The following BPTF variants were observed in gnomAD, a reference collection of about 807,000 sequenced individuals.
BPTF encodes bromodomain PHD finger transcription factor.
Under a neutral mutation model 292.5 loss-of-function variants are expected in BPTF, and 18 were observed. The ratio of observed to expected loss-of-function variants is 0.06; its 90% CI spans 0.04 to 0.09. BPTF has a LOEUF of 0.09. BPTF is among the 10% of genes least tolerant of loss of function. The pLI is 1.00. For synonymous variants in BPTF, 1,225 were observed against 1,251.9 expected (o/e 0.98, Z 0.45); for missense variants, 2,726 against 3,498.7 (o/e 0.78, Z 5.57).
chr17:67,948,844 C>T (rs1306777986), intron 23 of BPTF, among the ~76,000 whole-genome samples: 1 of 152,102 alleles, frequency 6.6e-6, no homozygotes, highest in Non-Finnish European at 1.5e-5. Flanking sequence ...AAAAGTTAGC[C>T]AGATGTGGTG....
intron 11 of BPTF, among the ~76,000 whole-genome samples, chr17:67,917,894 C>T (rs913918802): frequency 2.2e-4 from 34 of 152,188 alleles, no homozygotes; most frequent in African/African-American, 8.2e-4. Flanking sequence ...TCACTGAAAG[C>T]TACACCTCCC....
chr17:67,881,852 GTTTTTGTTTTTTT>G (rs1178563525), intron 4 of BPTF, among the ~76,000 whole-genome samples: 9,091 of 38,258 alleles, frequency 0.24, 1,272 homozygotes, highest in African/African-American at 0.38. Flanking sequence ...GGGATTTTGG[GTTTTTGTTTTTTT>G]TTTTTTTTTT....
At chr17:67,917,014 G>T in intron 11 of BPTF, among the ~76,000 whole-genome samples, 1 of 151,344 alleles carries the variant, frequency 6.6e-6, no homozygotes. Context: ...TTTGAAATAC[G>T]TTTTTAGTAT....
In BPTF at chr17:67,929,940, A is replaced by G. The variant is rs376568579; in HGVS notation, c.6150+453A>G. Among the ~76,000 whole-genome samples the G allele has an allele frequency of 8.0e-5, 12 of 150,694 alleles. No homozygotes were observed. The East Asian group carries it at 2.3e-3, about 29-fold the overall frequency. On this transcript the variant is annotated intron_variant, in intron 17 of 27. Coordinates refer to ENST00000306378, the MANE Select transcript of BPTF (RefSeq NM_182641.4). ...GGGCCAGCCTGGGCAACATGGCAAAACCCCATCTCTACAAAAAATACAGAA... is the reference window on the plus strand; with the variant it reads ...GGGCCAGCCTGGGCAACATGGCAAAGCCCCATCTCTACAAAAAATACAGAA...
chr17:67,895,689 T>C (rs1009798982), intron 7 of BPTF, among the ~76,000 whole-genome samples: 1 of 152,102 alleles, frequency 6.6e-6, no homozygotes, highest in Non-Finnish European at 1.5e-5. Context: ...TCTTGAACTC[T>C]GGGCTCAAGC....
chr17:67,946,454 CACTGAATTG>C (rs1368771437), intron 21 of BPTF, 129 bp downstream of exon 21: 1 of 1,393,428 alleles, frequency 7.2e-7, no homozygotes, highest in East Asian at 2.5e-5. Context: ...TTAGAAGAAA[CACTGAATTG>C]ACCAAAAAAA....
intron 1 of BPTF, 61 bp downstream of exon 1, chr17:67,826,398 C>A: frequency 6.7e-7 from 1 of 1,497,742 alleles, no homozygotes; most frequent in Non-Finnish European, 9.0e-7. Context: ...TCCCCCCTTG[C>A]TCACTCGTGT....
chr17:67,945,356 CCA>C (rs2065726188), intron 20 of BPTF, 51 bp from the exon 21 acceptor site: 1 of 1,548,008 alleles, frequency 6.5e-7, no homozygotes, highest in East Asian at 2.3e-5. Flanking sequence ...TCTTCTTTAA[CCA>C]CAGTTTTATG....
intron 27 of BPTF, among the ~76,000 whole-genome samples, chr17:67,977,530 AGT>A (rs1214629965): frequency 6.7e-6 from 1 of 150,174 alleles, no homozygotes; most frequent in Non-Finnish European, 1.5e-5. Flanking sequence ...AAAAAAAAAA[AGT>A]GTGCTGTCAA....
chr17:67,890,050 G>T (rs1021354357), intron 4 of BPTF, among the ~76,000 whole-genome samples: 11 of 152,132 alleles, frequency 7.2e-5, no homozygotes, highest in Non-Finnish European at 2.9e-5. Context: ...AAAAATCGGG[G>T]CTGGAAATTT....
intron 1 of BPTF, among the ~76,000 whole-genome samples, chr17:67,852,433 A>G (rs1350770226): frequency 6.6e-6 from 1 of 150,382 alleles, no homozygotes; most frequent in Non-Finnish European, 1.5e-5. Flanking sequence ...TTAGATATAT[A>G]TATACCTTAT....
chr17:67,959,662 C>G lies in BPTF; in HGVS notation c.8048C>G (p.Pro2683Arg). ...CCAGCTCCTCCAGCCCCTCCAGCCC[C>G]TCCACCTTCACCTCCCCCTCCACCT... The part of the protein sequence containing the change: ...VTPAPPAPPA[P>R]PPSPPPPPAV... Residue 2683 changes from proline to arginine, a missense_variant, in exon 24 of 28, where the codon CCT becomes CGT. Physicochemically the swap from Pro to Arg is moderately radical, Grantham distance 103 (BLOSUM62 -2). This residue lies in a region of BPTF where 148 missense variants were observed against 145.5 expected (regional missense o/e 1.02). Coordinates refer to ENST00000306378, the MANE Select transcript of BPTF (RefSeq NM_182641.4). The G allele has an allele frequency of 6.2e-7, 1 of 1,612,848 alleles. No homozygotes were observed. The highest frequency in any genetic ancestry group is 8.5e-7 in the Non-Finnish European group (1 of 1,179,402).
Position 67,918,828 on chromosome 17 carries a change from T to G in BPTF, c.5418T>G (p.Thr1806=). 6.2e-7 allele frequency: 1 copy of G among 1,613,330 alleles called. No individual in the cohort carries two copies. The highest frequency in any genetic ancestry group is 8.5e-7 in the Non-Finnish European group (1 of 1,179,456). ...CCAAGGCTCCTCCAGGAGGAGGGAC[T>G]ACACGGACAGGTAAGGGGGAAGGGA... is the stretch of plus-strand genomic sequence containing the variant. ...MAAKAPPGGG[T]TRTETSETEI... The change falls in exon 12 of 28, where the codon ACT becomes ACG. Residue 1806 remains threonine (T), a synonymous_variant. Transcript: ENST00000306378.
chr17:67,828,701 T>C (rs2056354991), intron 1 of BPTF, among the ~76,000 whole-genome samples: 1 of 152,184 alleles, frequency 6.6e-6, no homozygotes, highest in East Asian at 1.9e-4. Context: ...GCTAATTTTG[T>C]ATTTTTAGTA....
At chr17:67,944,725 C>T (rs1555673595) in intron 20 of BPTF, 1 of 302,608 alleles carries the variant, frequency 3.3e-6, no homozygotes, top group African/African-American at 2.2e-5. Flanking sequence ...AGTTCATGAC[C>T]TCAGATTGAG....
intron 9 of BPTF, among the ~76,000 whole-genome samples, chr17:67,906,650 G>C (rs2062221291): frequency 6.6e-6 from 1 of 152,076 alleles, no homozygotes; most frequent in African/African-American, 2.4e-5. Flanking sequence ...CGGTTTCTTT[G>C]CACTCTCTTC....
Position 67,866,633 on chromosome 17 carries a change from G to T in BPTF, c.1606G>T (p.Asp536Tyr). 2 of 1,613,938 alleles carry T rather than the reference G, an allele frequency of 1.2e-6. No homozygotes were observed. The highest frequency in any genetic ancestry group is 1.7e-6 in the Non-Finnish European group (2 of 1,179,864). The change falls in exon 3 of 28, where the codon GAC becomes TAC. Residue 536 changes from aspartate to tyrosine, a missense_variant. Transcript: ENST00000306378. ...CCACCGACACATGGACATAACTGAA[G>T]ACCTGACCAATAAGGCTCGGGGCAG... ...EIHRHMDITE[D>Y]LTNKARGSNK...
chr17:67,857,782 C>CTTTTTTTT (rs35999365), intron 2 of BPTF, among the ~76,000 whole-genome samples: 1 of 103,476 alleles, frequency 9.7e-6, no homozygotes, highest in Non-Finnish European at 1.9e-5. Context: ...ATATTTCTTT[C>CTTTTTTTT]TTTTTTTTTT....
chr17:67,901,414 C>T (rs2061835044), intron 7 of BPTF, among the ~76,000 whole-genome samples: 1 of 151,704 alleles, frequency 6.6e-6, no homozygotes, highest in Admixed American at 6.6e-5. Context: ...ATAAAAAATC[C>T]AGATGCCATA....
Sources: allele counts gnomAD v4.1 joint callset (sites outside exome capture counted in the v4.1 genomes callset), GRCh38; gene constraint gnomAD v4.1.1; regional missense constraint gnomAD v4.1.1; transcripts MANE v1.5; gene names NCBI Gene and HGNC (gene_info 2026-07-23, HGNC 2026-07-21).